Variants in DLG2 observed in about 807,000 individuals in gnomAD.
DLG2 encodes the protein discs large MAGUK scaffold protein 2.
A neutral mutation model predicts 132.5 loss-of-function variants in DLG2; 45 were observed. The observed-to-expected ratio is 0.34, with a 90% CI of 0.27 to 0.44. The LOEUF (loss-of-function observed/expected upper bound fraction) is 0.44. Ranked by LOEUF, DLG2 falls within the 20% of genes least tolerant of loss-of-function variation. The pLI is 1.00. For synonymous variants in DLG2, 424 were observed against 419.6 expected (o/e 1.01, Z -0.13); for missense variants, 1,045 against 1,196.9 (o/e 0.87, Z 1.87).
intron 4 of DLG2, among the ~76,000 whole-genome samples, chr11:85,166,090 TTTC>T (rs1422972390): frequency 6.6e-6 from 1 of 152,132 alleles, no homozygotes; most frequent in Non-Finnish European, 1.5e-5. Flanking sequence ...TATCTTCCAC[TTTC>T]TCTGACATTT....
At chr11:84,333,468 A>G (rs1222812462) in intron 7 of DLG2, among the ~76,000 whole-genome samples, 1 of 152,228 alleles carries the variant, frequency 6.6e-6, no homozygotes, top group Non-Finnish European at 1.5e-5. Context: ...CTTCTACTGG[A>G]TCAGAAAAGA....
At chr11:83,623,174 T>C (rs1405775056) in intron 19 of DLG2, among the ~76,000 whole-genome samples, 4 of 152,196 alleles carry the variant, frequency 2.6e-5, no homozygotes, top group Non-Finnish European at 5.9e-5. Flanking sequence ...ACTATCCTTC[T>C]TTATCTTTTT....
intron 6 of DLG2, among the ~76,000 whole-genome samples, chr11:84,676,991 G>T (rs2099713731): frequency 6.6e-6 from 1 of 151,952 alleles, no homozygotes; most frequent in Admixed American, 6.6e-5. Context: ...ACAATGGAGA[G>T]GTGGGACTGG....
chr11:85,135,790 C>A (rs1451211210), intron 5 of DLG2, among the ~76,000 whole-genome samples: 1 of 152,114 alleles, frequency 6.6e-6, no homozygotes, highest in Non-Finnish European at 1.5e-5. Context: ...AACAAATATA[C>A]TTGAGAATCT....
chr11:85,048,859 A>C (rs537173668), intron 6 of DLG2, among the ~76,000 whole-genome samples: 5 of 152,160 alleles, frequency 3.3e-5, no homozygotes, highest in African/African-American at 1.2e-4. Flanking sequence ...CATGAACAAC[A>C]ATCTGAGAAC....
chr11:84,910,161 T>C (rs1393737745), intron 6 of DLG2, among the ~76,000 whole-genome samples: 2 of 152,170 alleles, frequency 1.3e-5, no homozygotes, highest in Non-Finnish European at 2.9e-5. Context: ...GACTGAGTGA[T>C]TAAAGATCAA....
intron 6 of DLG2, among the ~76,000 whole-genome samples, chr11:84,906,875 C>G (rs2091577437): frequency 6.6e-6 from 1 of 152,096 alleles, no homozygotes; most frequent in Non-Finnish European, 1.5e-5. Context: ...CTTCTTTAAA[C>G]TGTTGTAGAT....
At chr11:84,765,711 G>A (rs1400641015) in intron 6 of DLG2, among the ~76,000 whole-genome samples, 1 of 151,864 alleles carries the variant, frequency 6.6e-6, no homozygotes, top group African/African-American at 2.4e-5. Context: ...TCCTACTACT[G>A]AAAAATAAAT....
intron 6 of DLG2, among the ~76,000 whole-genome samples, chr11:84,675,321 G>C (rs1274612462): frequency 6.6e-6 from 1 of 152,052 alleles, no homozygotes; most frequent in Non-Finnish European, 1.5e-5. Context: ...TACAGCAGTG[G>C]CTCTAAGAAG....
intron 6 of DLG2, among the ~76,000 whole-genome samples, chr11:84,541,253 C>T (rs908369723): frequency 6.6e-5 from 10 of 151,778 alleles, no homozygotes; most frequent in Non-Finnish European, 1.0e-4. Flanking sequence ...CCTGTTTCAG[C>T]TCTAAGGGGA....
intron 6 of DLG2, among the ~76,000 whole-genome samples, chr11:84,995,535 G>C (rs575649730): frequency 8.5e-5 from 13 of 152,230 alleles, no homozygotes; most frequent in Admixed American, 7.8e-4. Context: ...ATGTCTTCTT[G>C]TTGCCACTTC....
intron 3 of DLG2, among the ~76,000 whole-genome samples, chr11:85,530,259 G>C (rs767980477): frequency 1.8e-4 from 27 of 151,766 alleles, no homozygotes; most frequent in Non-Finnish European, 2.9e-4. Context: ...GCCTCCCAAA[G>C]TGCTGGGATT....
chr11:85,587,058 G>C (rs562351609), intron 3 of DLG2, among the ~76,000 whole-genome samples: 3 of 152,162 alleles, frequency 2.0e-5, no homozygotes, highest in South Asian at 4.2e-4. Flanking sequence ...TGGTCTGAGA[G>C]GGTACTTGAT....
At chr11:83,548,538 T>C (rs1195343004) in intron 19 of DLG2, among the ~76,000 whole-genome samples, 1 of 152,108 alleles carries the variant, frequency 6.6e-6, no homozygotes, top group Non-Finnish European at 1.5e-5. Flanking sequence ...TGTCAAAGAT[T>C]CTTTGGAATA....
At chr11:83,859,938 C>T (rs996715638) in intron 16 of DLG2, among the ~76,000 whole-genome samples, 2 of 152,320 alleles carry the variant, frequency 1.3e-5, no homozygotes, top group Non-Finnish European at 2.9e-5. Context: ...GCTTGGGCCA[C>T]AGCTTCAGAT....
At chr11:84,654,439 C>T (rs1159215255) in intron 6 of DLG2, among the ~76,000 whole-genome samples, 1 of 152,178 alleles carries the variant, frequency 6.6e-6, no homozygotes. Flanking sequence ...CACCTGCTAA[C>T]TATGCCAGTC....
intron 18 of DLG2, among the ~76,000 whole-genome samples, chr11:83,677,940 G>A (rs1206131255): frequency 6.6e-6 from 1 of 152,198 alleles, no homozygotes; most frequent in Non-Finnish European, 1.5e-5. Flanking sequence ...CTGTGAGGCA[G>A]GGTTCCACTT....
chr11:83,728,771 C>T (rs1376191196), intron 18 of DLG2, among the ~76,000 whole-genome samples: 1 of 152,236 alleles, frequency 6.6e-6, no homozygotes, highest in African/African-American at 2.4e-5. Flanking sequence ...AATCACAGGG[C>T]CTTCCTCCTT....
chr11:85,294,044 C>A (rs2079071619), intron 3 of DLG2, among the ~76,000 whole-genome samples: 1 of 151,858 alleles, frequency 6.6e-6, no homozygotes, highest in Admixed American at 6.6e-5. Context: ...GAGTTTAAGA[C>A]CAGCCTGGTC....
Sources: gnomAD v4.1 joint callset for allele counts (sites outside exome capture counted in the v4.1 genomes callset) on GRCh38, gnomAD v4.1.1 for gene constraint, MANE v1.5 for transcripts, NCBI Gene and HGNC (gene_info 2026-07-23, HGNC 2026-07-21) for gene names.